Variants in ANK2 observed in about 807,000 individuals in gnomAD.
ANK2 encodes ankyrin-2.
In ANK2, 83 loss-of-function variants were observed where a neutral mutation model predicts 360.5. The ratio of observed to expected loss-of-function variants is 0.23; its 90% confidence interval spans 0.19 to 0.28. The LOEUF (loss-of-function observed/expected upper bound fraction) is 0.28, where lower values mean the gene tolerates loss of function less well. Ranked by LOEUF, ANK2 falls within the 10% of genes least tolerant of loss-of-function variation. ANK2 has a pLI of 1.00. For missense variants in ANK2, 4,201 were observed against 4,795.7 expected, an observed-to-expected ratio of 0.88 and a Z score of 3.66; for synonymous variants, 1,740 against 1,759.5, an observed-to-expected ratio of 0.99 and a Z score of 0.28.
At chr4:112,725,150 C>T in the ANK2 span, among the ~76,000 whole-genome samples, 7 of 151,088 alleles carry the variant, frequency 4.6e-5, no homozygotes, top group African/African-American at 1.5e-4. Flanking sequence ...GCCATGGTGG[C>T]GGGCGCCTGT....
chr4:113,348,906 G>A (rs2154001446), intron 36 of ANK2, among the ~76,000 whole-genome samples: 1 of 152,100 alleles, frequency 6.6e-6, no homozygotes, highest in South Asian at 2.1e-4. Flanking sequence ...AGTAATTTTT[G>A]GGAGTGTAAA....
intron 1 of ANK2, among the ~76,000 whole-genome samples, chr4:112,902,052 T>A (rs950769682): frequency 2.6e-5 from 4 of 152,152 alleles, no homozygotes; most frequent in African/African-American, 9.7e-5. Flanking sequence ...AGTTACAGAC[T>A]CACAGTGAAG....
At chr4:112,796,780 C>T in the ANK2 span, among the ~76,000 whole-genome samples, 1 of 151,430 alleles carries the variant, frequency 6.6e-6, no homozygotes, top group Admixed American at 6.6e-5. Flanking sequence ...CATTGAAGTA[C>T]AAATCTGAAA....
chr4:113,353,094 T>A lies in ANK2; in HGVS notation c.4476T>A (p.Val1492=), dbSNP rs752679086. 7 of 1,613,994 alleles carry A rather than the reference T, an allele frequency of 4.3e-6. No homozygotes were observed. In the East Asian group the frequency reaches 1.6e-4, roughly 36 times the overall value. Residue 1492 remains valine (V), a synonymous_variant, in exon 38 of 46, where the codon GTT becomes GTA. Coordinates refer to ENST00000357077, the MANE Select transcript of ANK2 (RefSeq NM_001148.6). ...CATCTGTCCTGAAAAGTCACCTGGT[T>A]AATGAAGTTCCTGTCCTAGCAAGTC... ...TETSVLKSHL[V]NEVPVLASPD...
chr4:113,062,104 C>T (rs1277891549), intron 1 of ANK2, among the ~76,000 whole-genome samples: 2 of 152,014 alleles, frequency 1.3e-5, no homozygotes, highest in African/African-American at 4.8e-5. Context: ...TAAGGCCATG[C>T]CCTGTACAGG....
intron 1 of ANK2, among the ~76,000 whole-genome samples, chr4:113,125,821 G>A (rs1242196482): frequency 6.6e-6 from 1 of 152,190 alleles, no homozygotes; most frequent in African/African-American, 2.4e-5. Flanking sequence ...TGGGTGATAG[G>A]AACTTTTCAC....
chr4:113,313,605 G>A (rs2081219249), intron 24 of ANK2: 1 of 152,284 alleles, frequency 6.6e-6, no homozygotes, highest in South Asian at 2.1e-4. Context: ...TTTTGCTTAG[G>A]CAATTCAATA....
intron 22 of ANK2, among the ~76,000 whole-genome samples, chr4:113,300,756 A>G (rs2074531968): frequency 6.6e-6 from 1 of 152,168 alleles, no homozygotes; most frequent in African/African-American, 2.4e-5. Context: ...TGTCAAAATA[A>G]AGGCAGCTCA....
At chr4:113,245,932 G>A (rs2042648278) in intron 9 of ANK2, among the ~76,000 whole-genome samples, 1 of 151,946 alleles carries the variant, frequency 6.6e-6, no homozygotes. Context: ...AGCCTCCCAA[G>A]TAGCTGGAAT....
At chr4:112,951,759 GCA>G (rs1256326835) in intron 2 of ANK2, among the ~76,000 whole-genome samples, 2 of 152,174 alleles carry the variant, frequency 1.3e-5, no homozygotes, top group Non-Finnish European at 2.9e-5. Context: ...TATAAAGGAT[GCA>G]CACAATTTAT....
chr4:112,735,750 T>C, the ANK2 span, among the ~76,000 whole-genome samples: 1 of 152,176 alleles, frequency 6.6e-6, no homozygotes, highest in Non-Finnish European at 1.5e-5. Context: ...TTCAGTAGTA[T>C]TAGGTTTAAT....
chr4:113,048,270 ATATATATTTTTTTTTTT>A, upstream of ANK2, among the ~76,000 whole-genome samples: 1 of 62,302 alleles, frequency 1.6e-5, no homozygotes, highest in Non-Finnish European at 2.8e-5. Flanking sequence ...ATATATATAT[ATATATATTTTTTTTTTT>A]TTTTTTTTTT....
chr4:112,756,207 C>A, the ANK2 span, among the ~76,000 whole-genome samples: 5 of 146,394 alleles, frequency 3.4e-5, no homozygotes, highest in Admixed American at 2.0e-4. Context: ...CACTGCACTT[C>A]AGCCTGGGTG....
At chr4:113,251,121 A>T (rs1017426885) in intron 10 of ANK2, among the ~76,000 whole-genome samples, 9 of 152,212 alleles carry the variant, frequency 5.9e-5, no homozygotes, top group African/African-American at 9.6e-5. Context: ...TTGAAATTTA[A>T]ATGGAAATAA....
intron 5 of ANK2, among the ~76,000 whole-genome samples, chr4:113,235,594 A>G (rs1416537320): frequency 2.0e-5 from 3 of 151,398 alleles, no homozygotes; most frequent in Non-Finnish European, 4.4e-5. Flanking sequence ...ACATTCATCT[A>G]ATTTTTTCTT....
intron 2 of ANK2, among the ~76,000 whole-genome samples, chr4:112,939,765 A>G (rs146152038): frequency 2.8e-4 from 42 of 152,260 alleles, no homozygotes; most frequent in South Asian, 1.0e-3. Context: ...GAAGCCACCA[A>G]GGTTATCTTT....
At chr4:113,186,042 C>T (rs975900682) in intron 2 of ANK2, among the ~76,000 whole-genome samples, 8 of 152,304 alleles carry the variant, frequency 5.3e-5, no homozygotes, top group East Asian at 3.9e-4. Flanking sequence ...GCACAGCACT[C>T]GAGCTCTGCT....
In ANK2 at chr4:113,123,799, C is replaced by T. The variant is rs116077301; in HGVS notation, c.85-50617C>T. Among the ~76,000 whole-genome samples the T allele has an allele frequency of 5.9e-3, 900 of 152,204 alleles. 16 individuals are homozygous for T. The highest frequency in any genetic ancestry group is 0.021 in the African/African-American group (852 of 41,516). ...TGACTAGAATAAACATTTCCATTCCCCCACCAACCCCTACTCTACTCCATC... is the reference window on the plus strand; with the variant it reads ...TGACTAGAATAAACATTTCCATTCCTCCACCAACCCCTACTCTACTCCATC... On this transcript the variant is annotated intron_variant, in intron 1 of 45. Coordinates refer to ENST00000357077, the MANE Select transcript of ANK2 (RefSeq NM_001148.6).
intron 2 of ANK2, among the ~76,000 whole-genome samples, chr4:112,925,853 G>C (rs1354606431): frequency 1.3e-5 from 2 of 152,194 alleles, no homozygotes; most frequent in Non-Finnish European, 2.9e-5. Context: ...TCAGCAAAGG[G>C]AGAAAGCTTT....
Sources: gnomAD v4.1 joint callset for allele counts (sites outside exome capture counted in the v4.1 genomes callset) on GRCh38, gnomAD v4.1.1 for gene constraint, MANE v1.5 for transcripts, NCBI Gene and HGNC (gene_info 2026-07-23, HGNC 2026-07-21) for gene names.